The following ANTXR1 variants were observed in gnomAD, a reference collection of about 807,000 sequenced individuals.
ANTXR1 encodes the protein ANTXR cell adhesion molecule 1, also known as anthrax toxin receptor 1.
In ANTXR1, 19 loss-of-function variants were observed where a neutral mutation model predicts 78.1. The observed-to-expected ratio is 0.24, with a 90% confidence interval of 0.17 to 0.36. ANTXR1 has a LOEUF of 0.36. Ranked by LOEUF, ANTXR1 falls within the 10% of genes least tolerant of loss-of-function variation. The pLI is 1.00. For missense variants in ANTXR1, 518 were observed against 718.6 expected (o/e 0.72, Z 3.19); for synonymous variants, 273 against 260.5 (o/e 1.05, Z -0.46).
Position 69,070,197 on chromosome 2 carries a change from T to A in ANTXR1, c.297-450T>A, listed in dbSNP as rs183193664. Among the ~76,000 whole-genome samples the A allele has an allele frequency of 3.3e-5, 5 of 152,344 alleles. No individual in the cohort carries two copies. In the East Asian group the frequency reaches 9.6e-4, roughly 29 times the overall value. On this transcript the variant is annotated intron_variant, in intron 3 of 17. Transcript: ENST00000303714. ...TTTTCCGTTTCCTTTGGCACACCCG[T>A]GCGGTGGCAGTTTGCTGTGGATGCC...
intron 16 of ANTXR1, among the ~76,000 whole-genome samples, chr2:69,185,988 C>T (rs556596283): frequency 3.6e-4 from 55 of 152,332 alleles, no homozygotes; most frequent in African/African-American, 1.3e-3. Context: ...GGTGTGATTA[C>T]TCATGTTTAT....
At chr2:69,022,479 A>G (rs1379927172) in intron 1 of ANTXR1, among the ~76,000 whole-genome samples, 1 of 152,246 alleles carries the variant, frequency 6.6e-6, no homozygotes, top group African/African-American at 2.4e-5. Context: ...AGGGTATGCC[A>G]TTGATGTTGA....
intron 10 of ANTXR1, among the ~76,000 whole-genome samples, chr2:69,114,188 A>G (rs1268390890): frequency 3.9e-5 from 6 of 152,258 alleles, no homozygotes; most frequent in African/African-American, 1.4e-4. Flanking sequence ...CTGGAAGTTG[A>G]GATTATCAAG....
At chr2:69,200,776 C>T (rs181392093) in intron 17 of ANTXR1, among the ~76,000 whole-genome samples, 1 of 152,184 alleles carries the variant, frequency 6.6e-6, no homozygotes, top group Admixed American at 6.5e-5. Context: ...GTATGGTGTG[C>T]AAGAGAAGAG....
intron 13 of ANTXR1, among the ~76,000 whole-genome samples, chr2:69,157,183 C>G (rs1458778118): frequency 6.6e-6 from 1 of 152,142 alleles, no homozygotes; most frequent in Non-Finnish European, 1.5e-5. Context: ...CCTCTCTCTC[C>G]TTTAAACTGT....
rs114924207 is a variant in ANTXR1, at chr2:69,098,019, T to A, written c.704-4823T>A. On this transcript the variant is annotated intron_variant, in intron 9 of 17. Transcript: ENST00000303714. ...TACTTACTGCATGATCCTATTTACATAAAATTCCAGAAAATGCAAACTAAT... is the reference window on the plus strand; with the variant it reads ...TACTTACTGCATGATCCTATTTACAAAAAATTCCAGAAAATGCAAACTAAT... 3.6e-3 allele frequency among the ~76,000 whole-genome samples: 541 copies of A among 152,280 alleles called. 3 individuals carry two copies. The highest frequency in any genetic ancestry group is 0.012 in the African/African-American group (494 of 41,556).
chr2:69,134,122 A>T (rs757608663), intron 12 of ANTXR1, among the ~76,000 whole-genome samples: 1 of 152,064 alleles, frequency 6.6e-6, no homozygotes, highest in Non-Finnish European at 1.5e-5. Flanking sequence ...AGGTGATGGG[A>T]CCTCTCAACT....
chr2:69,120,955 C>T (rs771459283), intron 10 of ANTXR1, among the ~76,000 whole-genome samples: 8 of 152,186 alleles, frequency 5.3e-5, no homozygotes, highest in Non-Finnish European at 1.2e-4. Flanking sequence ...GATTCAACAG[C>T]CTCACTGGCC....
intron 16 of ANTXR1, among the ~76,000 whole-genome samples, chr2:69,189,807 G>A (rs1211894592): frequency 2.0e-5 from 3 of 152,238 alleles, no homozygotes. Context: ...ATGAATCAAG[G>A]CAGGGTGTGC....
At chr2:69,171,750 C>A (rs555713369) in intron 14 of ANTXR1, among the ~76,000 whole-genome samples, 2 of 152,308 alleles carry the variant, frequency 1.3e-5, no homozygotes, top group African/African-American at 4.8e-5. Context: ...ACAAGCTCAG[C>A]AGGGACTTTT....
At chr2:69,162,026 A>G (rs1267543689) in intron 13 of ANTXR1, among the ~76,000 whole-genome samples, 1 of 152,202 alleles carries the variant, frequency 6.6e-6, no homozygotes, top group Non-Finnish European at 1.5e-5. Flanking sequence ...TTTGTGGAAA[A>G]AAAAAAATCC....
At chr2:69,053,000 C>A (rs983088645) in intron 3 of ANTXR1, among the ~76,000 whole-genome samples, 1 of 152,080 alleles carries the variant, frequency 6.6e-6, no homozygotes, top group Non-Finnish European at 1.5e-5. Flanking sequence ...GAAGGTATGT[C>A]TTCAACATAA....
At chr2:69,042,474 C>G (rs1305484884) in intron 2 of ANTXR1, among the ~76,000 whole-genome samples, 1 of 152,166 alleles carries the variant, frequency 6.6e-6, no homozygotes, top group Non-Finnish European at 1.5e-5. Context: ...ATCCCATTGT[C>G]TCCAGTTTCC....
At chr2:69,204,094 CCA>C (rs1002787378) in intron 17 of ANTXR1, among the ~76,000 whole-genome samples, 1 of 152,142 alleles carries the variant, frequency 6.6e-6, no homozygotes, top group Non-Finnish European at 1.5e-5. Context: ...TCATGTCTAG[CCA>C]CTTGGCTTCT....
intron 17 of ANTXR1, among the ~76,000 whole-genome samples, chr2:69,215,597 G>A (rs1250749495): frequency 6.6e-6 from 1 of 152,182 alleles, no homozygotes; most frequent in Non-Finnish European, 1.5e-5. Context: ...ACAAATTAAT[G>A]TTTAAGTAAA....
chr2:69,153,693 G>C (rs1046062625), intron 13 of ANTXR1, among the ~76,000 whole-genome samples: 2 of 152,202 alleles, frequency 1.3e-5, no homozygotes, highest in Non-Finnish European at 2.9e-5. Context: ...ACATTTTCAA[G>C]TCTAGAAAAA....
At chr2:69,092,071 C>A (rs1671260207) in intron 9 of ANTXR1, among the ~76,000 whole-genome samples, 1 of 152,246 alleles carries the variant, frequency 6.6e-6, no homozygotes, top group South Asian at 2.1e-4. Flanking sequence ...CAGAAACTTG[C>A]ATCTTTCACC....
intron 10 of ANTXR1, 91 bp downstream of exon 10, chr2:69,103,031 G>A: frequency 8.0e-7 from 1 of 1,248,390 alleles, no homozygotes; most frequent in Non-Finnish European, 1.2e-6. Context: ...CCACACACAT[G>A]AAACCAGCAG....
At chr2:69,227,627 A>C (rs1368288982) in intron 17 of ANTXR1, among the ~76,000 whole-genome samples, 2 of 152,168 alleles carry the variant, frequency 1.3e-5, no homozygotes, top group Non-Finnish European at 2.9e-5. Flanking sequence ...CTCCGGGAAT[A>C]AACTGTCCAG....
Sources: allele counts gnomAD v4.1 joint callset (sites outside exome capture counted in the v4.1 genomes callset), GRCh38; gene constraint gnomAD v4.1.1; transcripts MANE v1.5; gene names NCBI Gene and HGNC (gene_info 2026-07-23, HGNC 2026-07-21).